DCC: variants seen among roughly 807,000 people sequenced by gnomAD.
DCC encodes netrin receptor DCC.
A neutral mutation model predicts 172.5 loss-of-function variants in DCC; 58 were observed. The observed-to-expected ratio is 0.34, with a 90% CI of 0.27 to 0.42. DCC has a LOEUF of 0.42. Ranked by LOEUF, DCC falls within the 10% of genes least tolerant of loss-of-function variation. The probability of loss-of-function intolerance (pLI) is 1.00; values close to 1 mark genes in which losing one functional copy is unlikely to be tolerated. For synonymous variants in DCC, 709 were observed against 644.5 expected (o/e 1.10, Z -1.52); for missense variants, 1,740 against 1,791.0 (o/e 0.97, Z 0.51).
chr18:52,894,588 G>A (rs536221069), intron 2 of DCC, among the ~76,000 whole-genome samples: 1 of 151,990 alleles, frequency 6.6e-6, no homozygotes, highest in South Asian at 2.1e-4. Flanking sequence ...CATGGTTCTG[G>A]AGGCTTAGAA....
At chr18:52,703,755 G>C (rs1376638529) in intron 1 of DCC, among the ~76,000 whole-genome samples, 6 of 150,822 alleles carry the variant, frequency 4.0e-5, no homozygotes, top group African/African-American at 1.5e-4. Context: ...ATGTGCTCAG[G>C]TAACATGACT....
chr18:52,652,692 T>C (rs879486966), intron 1 of DCC, among the ~76,000 whole-genome samples: 12 of 132,696 alleles, frequency 9.0e-5, no homozygotes, highest in Admixed American at 4.6e-4. Flanking sequence ...CAGAGTACAT[T>C]ACAACAGGAC....
At chr18:52,536,772 C>G (rs964663289) in intron 1 of DCC, among the ~76,000 whole-genome samples, 2 of 152,112 alleles carry the variant, frequency 1.3e-5, no homozygotes, top group Non-Finnish European at 2.9e-5. Context: ...ATTGAAATTG[C>G]TCTTATTTGA....
intron 1 of DCC, among the ~76,000 whole-genome samples, chr18:52,689,078 T>C (rs1254293632): frequency 6.6e-6 from 1 of 152,150 alleles, no homozygotes; most frequent in Non-Finnish European, 1.5e-5. Flanking sequence ...AGAATTTTGG[T>C]CAAGGACATT....
chr18:52,723,876 T>G (rs2036511545), intron 1 of DCC, among the ~76,000 whole-genome samples: 1 of 152,156 alleles, frequency 6.6e-6, no homozygotes, highest in Non-Finnish European at 1.5e-5. Context: ...GCATCCTAAG[T>G]GCTTGATCGG....
intron 7 of DCC, among the ~76,000 whole-genome samples, chr18:53,149,065 C>T (rs1598850131): frequency 6.6e-6 from 1 of 151,580 alleles, no homozygotes; most frequent in African/African-American, 2.4e-5. Context: ...GTTTCACCAT[C>T]TTGGCCAGGC....
intron 2 of DCC, among the ~76,000 whole-genome samples, chr18:52,784,952 A>T (rs936341950): frequency 2.7e-5 from 4 of 148,552 alleles, no homozygotes; most frequent in Non-Finnish European, 4.4e-5. Flanking sequence ...AGAGAGAGAC[A>T]GAGAGAGAGA....
intron 2 of DCC, among the ~76,000 whole-genome samples, chr18:52,856,790 A>C (rs923389817): frequency 2.0e-5 from 3 of 152,202 alleles, no homozygotes; most frequent in Admixed American, 2.0e-4. Flanking sequence ...TACAATAGTC[A>C]GCATGCATAT....
At chr18:52,942,048 G>A (rs1045290944) in intron 5 of DCC, among the ~76,000 whole-genome samples, 1 of 152,168 alleles carries the variant, frequency 6.6e-6, no homozygotes, top group African/African-American at 2.4e-5. Flanking sequence ...TTCCCAAAGT[G>A]CTGGGATTAC....
intron 2 of DCC, among the ~76,000 whole-genome samples, chr18:52,811,693 A>G (rs2038204098): frequency 6.6e-6 from 1 of 152,164 alleles, no homozygotes; most frequent in Admixed American, 6.5e-5. Context: ...AAATTATAAG[A>G]AGAGATCATG....
chr18:53,150,245 A>C (rs1427639885), intron 7 of DCC, among the ~76,000 whole-genome samples: 1 of 152,226 alleles, frequency 6.6e-6, no homozygotes, highest in East Asian at 1.9e-4. Context: ...CTGCAAATTA[A>C]TAATAATGAA....
At chr18:52,756,567 G>A (rs772945441) in intron 2 of DCC, among the ~76,000 whole-genome samples, 2 of 152,152 alleles carry the variant, frequency 1.3e-5, no homozygotes, top group Non-Finnish European at 2.9e-5. Flanking sequence ...ATTAACTATT[G>A]AAAACTTTGT....
At chr18:53,324,736 C>T (rs1306660407) in intron 14 of DCC, among the ~76,000 whole-genome samples, 1 of 152,008 alleles carries the variant, frequency 6.6e-6, no homozygotes, top group Non-Finnish European at 1.5e-5. Context: ...GAAGAGTGGT[C>T]ACAATAAACT....
At chr18:53,348,378 A>G (rs1196358112) in intron 15 of DCC, among the ~76,000 whole-genome samples, 1 of 152,154 alleles carries the variant, frequency 6.6e-6, no homozygotes, top group East Asian at 1.9e-4. Flanking sequence ...GTGGGTTCCC[A>G]TCTTCTTGGG....
chr18:52,537,543 G>A (rs1237320292), intron 1 of DCC, among the ~76,000 whole-genome samples: 1 of 152,100 alleles, frequency 6.6e-6, no homozygotes, highest in Non-Finnish European at 1.5e-5. Context: ...TTTCTAACTT[G>A]GAGGCTTAAA....
chr18:53,391,718 T>C lies in DCC; in HGVS notation c.2519T>C (p.Leu840Pro), dbSNP rs1257707144. 6.2e-7 allele frequency: 1 copy of C among 1,614,020 alleles called. No individual in the cohort carries two copies. Among genetic ancestry groups the C allele is most frequent in the African/African-American group, 1.3e-5 (1 of 74,904 alleles). Reference protein sequence around the residue: ...LDDFPTSVPDLSTPMLPPVGV... With the variant: ...LDDFPTSVPDPSTPMLPPVGV... ...GATTTCCCCACCTCGGTCCCAGATC[T>C]CTCCACCCCCATGCTCCCACCAGTA... is the stretch of plus-strand genomic sequence containing the variant. Residue 840 changes from leucine (L) to proline (P), a missense_variant, in exon 17 of 29, where the codon CTC becomes CCC. Coordinates refer to ENST00000442544, the MANE Select transcript of DCC (RefSeq NM_005215.4).
chr18:53,517,934 G>A (rs1598840177), intron 27 of DCC, among the ~76,000 whole-genome samples: 2 of 152,010 alleles, frequency 1.3e-5, no homozygotes, highest in African/African-American at 4.8e-5. Context: ...CTCTCTTTTT[G>A]TTCAATATTT....
chr18:53,497,989 T>C (rs190664235), intron 26 of DCC, among the ~76,000 whole-genome samples: 46 of 152,334 alleles, frequency 3.0e-4, no homozygotes, highest in Middle Eastern at 3.4e-3. Flanking sequence ...GGCTACATCC[T>C]GTGCTCAGCC....
At chr18:52,868,057 G>A (rs35078903) in intron 2 of DCC, among the ~76,000 whole-genome samples, 32,000 of 89,424 alleles carry the variant, frequency 0.36, 4,061 homozygotes, top group Middle Eastern at 0.48. Flanking sequence ...ATATATATGT[G>A]TGTGTGTGTG....
Sources: gnomAD v4.1 joint callset for allele counts (sites outside exome capture counted in the v4.1 genomes callset) on GRCh38, gnomAD v4.1.1 for gene constraint, MANE v1.5 for transcripts, NCBI Gene and HGNC (gene_info 2026-07-23, HGNC 2026-07-21) for gene names.